SSBP2: variants seen among roughly 807,000 people sequenced by gnomAD.
The protein encoded by SSBP2 is single-stranded DNA-binding protein 2.
In SSBP2, 17 loss-of-function variants were observed where a neutral mutation model predicts 61.8. The ratio of observed to expected loss-of-function variants is 0.28; its 90% CI spans 0.19 to 0.41. The LOEUF (loss-of-function observed/expected upper bound fraction) is 0.41. SSBP2 is among the 10% of genes least tolerant of loss of function. The probability of loss-of-function intolerance (pLI) is 1.00; values close to 1 mark genes in which losing one functional copy is unlikely to be tolerated. For missense variants in SSBP2, 310 were observed against 458.7 expected, an observed-to-expected ratio of 0.68 and a Z score of 2.96; for synonymous variants, 139 against 141.3, an observed-to-expected ratio of 0.98 and a Z score of 0.12.
intron 1 of SSBP2, 110 bp downstream of exon 1, chr5:81,750,871 C>T: frequency 7.9e-7 from 1 of 1,269,180 alleles, no homozygotes; most frequent in Non-Finnish European, 1.1e-6. Flanking sequence ...GCCAGCCCAC[C>T]CCCGGCGCTC....
intron 1 of SSBP2, among the ~76,000 whole-genome samples, chr5:81,688,533 C>A (rs777742253): frequency 2.0e-5 from 3 of 152,184 alleles, no homozygotes; most frequent in Non-Finnish European, 4.4e-5. Flanking sequence ...GCTTGTGTCA[C>A]CCCTCACGCA....
In SSBP2 at chr5:81,417,362, C is replaced by G. The variant is rs534478251; in HGVS notation, c.*3142G>C. ...GACACGTAGTTAAGAATCATACATA[C>G]CCTCAGAAAGAATTTGACATGTATT... On this transcript the variant is annotated 3_prime_UTR_variant, in exon 17 of 17. Coordinates refer to ENST00000320672, the MANE Select transcript of SSBP2 (RefSeq NM_012446.5). The G allele has an allele frequency of 4.6e-5, 7 of 152,342 alleles. No homozygotes were observed. In the South Asian group the frequency reaches 1.4e-3, roughly 32 times the overall value. 9.4% of individuals were successfully genotyped at this position (152,342 alleles called of 1,614,324 possible). A position where few individuals can be genotyped will look rare whatever the true frequency, so the allele number is the denominator to read the frequency against.
At chr5:81,623,755 A>C (rs918633278) in intron 3 of SSBP2, among the ~76,000 whole-genome samples, 2 of 152,138 alleles carry the variant, frequency 1.3e-5, no homozygotes, top group African/African-American at 4.8e-5. Flanking sequence ...TTATTTCTAA[A>C]TATATAGTTA....
intron 1 of SSBP2, among the ~76,000 whole-genome samples, chr5:81,725,927 A>C (rs1329615136): frequency 6.6e-6 from 1 of 152,156 alleles, no homozygotes; most frequent in Non-Finnish European, 1.5e-5. Context: ...ATCTGTTTGA[A>C]GTTTTCTATC....
At chr5:81,468,461 G>A (rs1384089114) in intron 8 of SSBP2, among the ~76,000 whole-genome samples, 1 of 151,892 alleles carries the variant, frequency 6.6e-6, no homozygotes, top group African/African-American at 2.4e-5. Flanking sequence ...CACACTACCT[G>A]TCAAATAAGT....
chr5:81,715,478 A>G (rs1038051957), intron 1 of SSBP2, among the ~76,000 whole-genome samples: 2 of 152,206 alleles, frequency 1.3e-5, no homozygotes, highest in Non-Finnish European at 2.9e-5. Context: ...AGAACATGAA[A>G]TTAATAGAAT....
chr5:81,605,126 C>T (rs2153570024), intron 4 of SSBP2, among the ~76,000 whole-genome samples: 1 of 152,036 alleles, frequency 6.6e-6, no homozygotes, highest in Non-Finnish European at 1.5e-5. Flanking sequence ...TACTGTTTAC[C>T]CTTATAAATC....
At chr5:81,452,835 C>T (rs1225288988) in intron 10 of SSBP2, among the ~76,000 whole-genome samples, 2 of 151,386 alleles carry the variant, frequency 1.3e-5, no homozygotes, top group African/African-American at 4.9e-5. Context: ...TATCAGAGAC[C>T]AGGACTAAGG....
At chr5:81,489,601 G>C (rs2154052946) in intron 5 of SSBP2, among the ~76,000 whole-genome samples, 2 of 152,154 alleles carry the variant, frequency 1.3e-5, no homozygotes, top group Middle Eastern at 6.8e-3. Context: ...ATATCTAGTG[G>C]CAAAAAATAA....
intron 1 of SSBP2, among the ~76,000 whole-genome samples, chr5:81,746,576 G>C (rs1296697694): frequency 6.6e-6 from 1 of 151,998 alleles, no homozygotes; most frequent in Non-Finnish European, 1.5e-5. Context: ...AGGTGATGCT[G>C]GCAGATATTA....
At chr5:81,713,237 GT>G (rs1365212739) in intron 1 of SSBP2, among the ~76,000 whole-genome samples, 1 of 151,868 alleles carries the variant, frequency 6.6e-6, no homozygotes, top group Non-Finnish European at 1.5e-5. Flanking sequence ...GAGAGAAAAA[GT>G]TTACAAACAG....
intron 4 of SSBP2, among the ~76,000 whole-genome samples, chr5:81,566,455 C>T (rs958693462): frequency 1.3e-5 from 2 of 152,144 alleles, no homozygotes; most frequent in Non-Finnish European, 1.5e-5. Flanking sequence ...TGCCTGCTGC[C>T]GTCCATGTAA....
At chr5:81,527,685 A>T (rs908962668) in intron 4 of SSBP2, among the ~76,000 whole-genome samples, 1 of 151,826 alleles carries the variant, frequency 6.6e-6, no homozygotes, top group African/African-American at 2.4e-5. Flanking sequence ...ATGTGTTCTA[A>T]TGAGAACACA....
chr5:81,570,216 T>TC (rs756461677), intron 4 of SSBP2, among the ~76,000 whole-genome samples: 9 of 152,148 alleles, frequency 5.9e-5, no homozygotes, highest in Non-Finnish European at 8.8e-5. Flanking sequence ...ACACACATAG[T>TC]CCCCCACACA....
intron 4 of SSBP2, among the ~76,000 whole-genome samples, chr5:81,610,348 T>C (rs1254122905): frequency 1.3e-5 from 2 of 152,242 alleles, no homozygotes; most frequent in Non-Finnish European, 1.5e-5. Context: ...TTACATTTGT[T>C]AGTAGTTGTG....
intron 4 of SSBP2, among the ~76,000 whole-genome samples, chr5:81,578,375 T>C (rs571563946): frequency 3.3e-5 from 5 of 152,080 alleles, no homozygotes; most frequent in Admixed American, 6.5e-5. Context: ...TTGGAAAGGA[T>C]AGAATGGCAT....
At chr5:81,615,172 A>C (rs1236501202) in intron 4 of SSBP2, 4 of 204,630 alleles carry the variant, frequency 2.0e-5, no homozygotes, top group African/African-American at 7.0e-5. Flanking sequence ...GTAGAATAAA[A>C]AAATTACTAT....
Position 81,513,676 on chromosome 5 carries a change from G to C in SSBP2, c.324C>G (p.Pro108=), listed in dbSNP as rs1419348394. 6.2e-7 allele frequency: 1 copy of C among 1,613,142 alleles called. No homozygotes were observed. Among genetic ancestry groups the C allele is most frequent in the African/African-American group, 1.3e-5 (1 of 74,970 alleles). ...GACCTACTGGCATGCCATCTCCTGG[G>C]GGAATGTTTCCTAGCACTGGACTGG... Residue 108 remains proline (P), a synonymous_variant, in exon 5 of 17, where the codon CCC becomes CCG. Coordinates refer to ENST00000320672, the MANE Select transcript of SSBP2 (RefSeq NM_012446.5).
At chr5:81,697,517 CT>C (rs1306856094) in intron 1 of SSBP2, among the ~76,000 whole-genome samples, 1 of 152,146 alleles carries the variant, frequency 6.6e-6, no homozygotes, top group African/African-American at 2.4e-5. Context: ...ACCCAATGTT[CT>C]ATTTTAACCA....
Sources: gnomAD v4.1 joint callset for allele counts (sites outside exome capture counted in the v4.1 genomes callset) on GRCh38, gnomAD v4.1.1 for gene constraint, MANE v1.5 for transcripts, NCBI Gene and HGNC (gene_info 2026-07-23, HGNC 2026-07-21) for gene names.